The following ADRA1D variants were observed in gnomAD, a reference collection of about 807,000 sequenced individuals.
The protein encoded by ADRA1D is adrenoceptor alpha 1D, also known as alpha-1D adrenergic receptor.
ADRA1D carries 22 observed loss-of-function variants against 18.6 expected under a neutral mutation model. That is an observed-to-expected ratio of 1.19 (90% CI 0.85 to 1.69). The LOEUF is 1.69. Ranked by LOEUF, ADRA1D falls within the 40% of genes most tolerant of loss-of-function variation. The pLI, the probability that ADRA1D is intolerant of heterozygous loss-of-function variation, is 0.00. For synonymous variants in ADRA1D, 376 were observed against 388.2 expected (o/e 0.97, Z 0.37); for missense variants, 840 against 840.7 (o/e 1.00, Z 0.01).
In ADRA1D at chr20:4,248,219, C is replaced by G. The variant is rs772655459; in HGVS notation, c.739G>C (p.Gly247Arg). The change falls in exon 1 of 2, where the codon GGT becomes CGT. Residue 247 changes from glycine (G) to arginine (R), a missense_variant. Gly to Arg is a moderately radical substitution (Grantham distance 125). Coordinates refer to ENST00000379453, the MANE Select transcript of ADRA1D (RefSeq NM_000678.4). ...EPVPPDERFC[G>R]ITEEAGYAVF... ...GCGTAGCCCGCCTCCTCGGTGATAC[C>G]GCAGAAGCGCTCGTCAGGGGGCACG... 4 of 1,598,784 alleles carry G rather than the reference C, an allele frequency of 2.5e-6. No homozygotes were observed. Among genetic ancestry groups the G allele is most frequent in the East Asian group, 2.3e-5 (1 of 44,220 alleles).
chr20:4,241,780 A>G (rs1244851702), intron 1 of ADRA1D, among the ~76,000 whole-genome samples: 1 of 152,164 alleles, frequency 6.6e-6, no homozygotes, highest in Non-Finnish European at 1.5e-5. Flanking sequence ...AGACATATGC[A>G]TAATCCACTC....
rs1980680183 is a variant in ADRA1D at position 4,221,922 on chromosome 20, G to A, written c.1320C>T (p.Ala440=). 1 of 1,530,766 alleles carries A rather than the reference G, an allele frequency of 6.5e-7. No individual in the cohort carries two copies. Among genetic ancestry groups the A allele is most frequent in the South Asian group, 1.2e-5 (1 of 83,546 alleles). 94.8% of individuals were successfully genotyped at this position (1,530,766 alleles called of 1,614,324 possible). ...LWRVYGHHWR[A]STSGLRQDCA... is the part of the protein sequence containing the mutation. ...AGTCCTGGCGCAGGCCGCTGGTGGA[G>A]GCCCGCCAGTGGTGGCCGTAGACAC... is the stretch of plus-strand genomic sequence containing the variant. Residue 440 remains alanine (A), a synonymous_variant, in exon 2 of 2, where the codon GCC becomes GCT. Transcript: ENST00000379453.
At chr20:4,240,853 A>G (rs932873014) in intron 1 of ADRA1D, among the ~76,000 whole-genome samples, 1 of 152,152 alleles carries the variant, frequency 6.6e-6, no homozygotes, top group Non-Finnish European at 1.5e-5. Context: ...GTGAGGATGG[A>G]AAGAATCTAG....
chr20:4,226,044 A>G (rs533173176), intron 1 of ADRA1D, among the ~76,000 whole-genome samples: 24 of 152,336 alleles, frequency 1.6e-4, no homozygotes, highest in African/African-American at 5.8e-4. Context: ...CAATTCTTTT[A>G]TATTTAGCCC....
At position 4,221,559 on chromosome 20, in the gene ADRA1D, C is replaced by T; in HGVS notation, c.1683G>A (p.Leu561=). Residue 561 remains leucine (L), a synonymous_variant, in exon 2 of 2, where the codon TTG becomes TTA. Transcript: ENST00000379453. ...TCTCCCGTAGGTTGCTGTAGTCGGCCAATTCGTAGGCCTGGCAGGTGGCGC... is the reference window on the plus strand; with the variant it reads ...TCTCCCGTAGGTTGCTGTAGTCGGCTAATTCGTAGGCCTGGCAGGTGGCGC... ...AEGATCQAYE[L]ADYSNLRETD... 1 of 1,612,248 alleles carries T rather than the reference C, an allele frequency of 6.2e-7. No homozygotes were observed. The highest frequency in any genetic ancestry group is 8.5e-7 in the Non-Finnish European group (1 of 1,178,736).
chr20:4,237,657 A>ATTT (rs11476310), intron 1 of ADRA1D, among the ~76,000 whole-genome samples: 4 of 121,086 alleles, frequency 3.3e-5, no homozygotes, highest in African/African-American at 1.2e-4. Context: ...TAATGTCAGG[A>ATTT]TTTTTTTTTT....
At chr20:4,241,614 G>A (rs1425817804) in intron 1 of ADRA1D, among the ~76,000 whole-genome samples, 2 of 152,098 alleles carry the variant, frequency 1.3e-5, no homozygotes, top group East Asian at 1.9e-4. Flanking sequence ...GAGATGTAAT[G>A]CCAGCCCTTT....
intron 1 of ADRA1D, among the ~76,000 whole-genome samples, chr20:4,244,899 C>G (rs912250205): frequency 6.6e-6 from 1 of 152,258 alleles, no homozygotes; most frequent in Non-Finnish European, 1.5e-5. Flanking sequence ...TCCCTGGGCT[C>G]TGCTCTGAGG....
intron 1 of ADRA1D, among the ~76,000 whole-genome samples, chr20:4,240,035 A>G (rs1380869780): frequency 1.3e-5 from 2 of 152,244 alleles, no homozygotes; most frequent in South Asian, 4.1e-4. Context: ...GCAGGCTGAC[A>G]GCACATGAAT....
At chr20:4,235,077 C>A (rs929458256) in intron 1 of ADRA1D, among the ~76,000 whole-genome samples, 3 of 152,184 alleles carry the variant, frequency 2.0e-5, no homozygotes, top group African/African-American at 7.2e-5. Context: ...GCCTGCTATA[C>A]CAAGCCGAGC....
chr20:4,226,125 A>G (rs1314110315), intron 1 of ADRA1D, among the ~76,000 whole-genome samples: 1 of 152,234 alleles, frequency 6.6e-6, no homozygotes, highest in Admixed American at 6.5e-5. Context: ...TTGTTATTGC[A>G]TGGTTTTTAT....
chr20:4,248,535 G>C lies in ADRA1D; in HGVS notation c.423C>G (p.Ala141=). 1 of 1,613,836 alleles carries C rather than the reference G, an allele frequency of 6.2e-7. No individual in the cohort carries two copies. The highest frequency in any genetic ancestry group is 8.5e-7 in the Non-Finnish European group (1 of 1,179,940). The change falls in exon 1 of 2, where the codon GCC becomes GCG. Residue 141 remains alanine (A), a synonymous_variant. Transcript: ENST00000379453. The part of the protein sequence containing the change: ...TNYFIVNLAV[A]DLLLSATVLP... ...GTACGGTGGCGCTCAGCAGCAGGTC[G>C]GCCACGGCCAGGTTCACGATGAAAT...
rs58789310 is a variant in ADRA1D, at chr20:4,222,218, G to C, written c.1112-88C>G. On this transcript the variant is annotated intron_variant, in intron 1 of 1. Transcript: ENST00000379453. The surrounding 1 kb of genome is among the most constrained non-coding windows in gnomAD (Gnocchi z 4.3). ...GGCGCAAAGGGGAGACCCTTCAGTA[G>C]CCTTGGCTGAGTCATTGACTAGGAG... 3.8e-3 allele frequency: 5,715 copies of C among 1,509,304 alleles called. 165 individuals are homozygous for C. In the African/African-American group the frequency reaches 0.069, roughly 18 times the overall value. 93.5% of individuals were successfully genotyped at this position (1,509,304 alleles called of 1,614,324 possible).
At position 4,248,166 on chromosome 20, in the gene ADRA1D, G is replaced by A. The variant is rs1301396000; in HGVS notation, c.792C>T (p.Tyr264=). Residue 264 remains tyrosine, a synonymous_variant, in exon 1 of 2, where the codon TAC becomes TAT. Coordinates refer to ENST00000379453, the MANE Select transcript of ADRA1D (RefSeq NM_000678.4). ...YAVFSSVCSF[Y]LPMAVIVVMY... The stretch of plus-strand genomic sequence containing the variant: ...TGACCACGATGACCGCCATGGGCAG[G>A]TAGAAGGAGCACACGGAGGAGAAGA... 1 of 1,583,336 alleles carries A rather than the reference G, an allele frequency of 6.3e-7. No individual in the cohort carries two copies. Among genetic ancestry groups the A allele is most frequent in the Non-Finnish European group, 8.6e-7 (1 of 1,164,722 alleles).
rs1980751880 is a variant in ADRA1D at position 4,224,714 on chromosome 20, T to TGTTCCATCCTGGATAG, written c.1112-2585_1112-2584insCTATCCAGGATGGAAC. Among the ~76,000 whole-genome samples, 6 of 135,642 alleles carry TGTTCCATCCTGGATAG rather than the reference T, an allele frequency of 4.4e-5. 1 individual carries two copies. The Admixed American group carries it at 4.6e-4, about 10-fold the overall frequency. The allele number at this position is 135,642 out of a possible 152,430, so 89.0% of individuals were successfully genotyped here. Reference sequence around the variant, plus strand: ...CCTGTGAGACCAAGCAGGCCAGGGGTAGGGGGGGGTCCTTAACAAATTATG... The same window carrying TGTTCCATCCTGGATAG: ...CCTGTGAGACCAAGCAGGCCAGGGGTGTTCCATCCTGGATAGAGGGGGGGGTCCTTAACAAATTATG... On this transcript the variant is annotated intron_variant, in intron 1 of 1. Transcript: ENST00000379453.
intron 1 of ADRA1D, among the ~76,000 whole-genome samples, chr20:4,230,504 C>T (rs374036462): frequency 9.2e-5 from 14 of 152,358 alleles, no homozygotes; most frequent in African/African-American, 3.4e-4. Context: ...TCTGTCATTT[C>T]ATTTTGCTTA....
chr20:4,235,541 C>T (rs1031442627), intron 1 of ADRA1D, among the ~76,000 whole-genome samples: 2 of 152,266 alleles, frequency 1.3e-5, no homozygotes, highest in African/African-American at 4.8e-5. Context: ...TGAGTGACCA[C>T]GGCTGCAGTT....
Position 4,221,808 on chromosome 20 carries a change from G to A in ADRA1D, c.1434C>T (p.Pro478=), listed in dbSNP as rs1289416771. ...GGCTGGCGACCGGAGCCTGCATCTCGGGCGTGCCTGGGGGTTCGGGGTCGG... is the reference window on the plus strand; with the variant it reads ...GGCTGGCGACCGGAGCCTGCATCTCAGGCGTGCCTGGGGGTTCGGGGTCGG... The part of the protein sequence containing the change: ...PDPDPEPPGT[P]EMQAPVASRR... Residue 478 remains proline (P), a synonymous_variant, in exon 2 of 2, where the codon CCC becomes CCT. Transcript: ENST00000379453. The A allele has an allele frequency of 1.3e-6, 2 of 1,550,010 alleles. No homozygotes were observed. The highest frequency in any genetic ancestry group is 1.7e-6 in the Non-Finnish European group (2 of 1,153,226).
chr20:4,231,064 T>TTCTTTCTTTCTCTCTC (rs1491147056), intron 1 of ADRA1D, among the ~76,000 whole-genome samples: 2 of 97,924 alleles, frequency 2.0e-5, no homozygotes, highest in African/African-American at 9.4e-5. Flanking sequence ...CTTTCTTTCT[T>TTCTTTCTTTCTCTCTC]TCTCTCTCTC....
Sources: allele counts gnomAD v4.1 joint callset (sites outside exome capture counted in the v4.1 genomes callset), GRCh38; gene constraint gnomAD v4.1.1; non-coding constraint Gnocchi (gnomAD v3.1); transcripts MANE v1.5; gene names NCBI Gene and HGNC (gene_info 2026-07-23, HGNC 2026-07-21).